PKHD1: variants seen among roughly 807,000 people sequenced by gnomAD.
PKHD1 encodes PKHD1 ciliary IPT domain containing fibrocystin/polyductin, also known as fibrocystin.
PKHD1 carries 291 observed loss-of-function variants against 412.0 expected under a neutral mutation model. The observed-to-expected ratio is 0.71, with a 90% CI of 0.64 to 0.78. PKHD1 has a LOEUF of 0.78. Among genes scored for constraint, PKHD1 ranks in the 30% least tolerant of loss-of-function variants. PKHD1 has a pLI of 0.00. For synonymous variants in PKHD1, 1,777 were observed against 1,821.5 expected, an observed-to-expected ratio of 0.98 and a Z score of 0.62; for missense variants, 4,825 against 4,950.7, an observed-to-expected ratio of 0.97 and a Z score of 0.76.
At chr6:51,708,359 T>C (rs752614027) in intron 60 of PKHD1, among the ~76,000 whole-genome samples, 1 of 152,228 alleles carries the variant, frequency 6.6e-6, no homozygotes. Flanking sequence ...ATCTCCTATG[T>C]CATTATTCTG....
intron 55 of PKHD1, among the ~76,000 whole-genome samples, chr6:51,769,816 T>C (rs1489655656): frequency 6.6e-6 from 1 of 151,636 alleles, no homozygotes; most frequent in African/African-American, 2.4e-5. Context: ...TGTTCTATAA[T>C]ATCTCGTACG....
chr6:51,819,651 C>T (rs9395729), intron 52 of PKHD1, among the ~76,000 whole-genome samples: 53,480 of 152,060 alleles, frequency 0.35, 11,619 homozygotes, highest in East Asian at 0.71. Context: ...TTTTGCTCAT[C>T]ATTTTATCTC....
At chr6:51,698,421 A>C (rs1001945342) in intron 60 of PKHD1, among the ~76,000 whole-genome samples, 1 of 152,220 alleles carries the variant, frequency 6.6e-6, no homozygotes, top group Admixed American at 6.5e-5. Context: ...TCTCATCTAC[A>C]CTTCAACAAT....
chr6:51,944,868 C>A (rs1789209933), intron 36 of PKHD1, among the ~76,000 whole-genome samples: 1 of 152,212 alleles, frequency 6.6e-6, no homozygotes, highest in South Asian at 2.1e-4. Context: ...TTGAGCACTG[C>A]TAGACCATCT....
At chr6:51,624,683 A>T (rs761908964) in intron 66 of PKHD1, among the ~76,000 whole-genome samples, 52 of 152,356 alleles carry the variant, frequency 3.4e-4, no homozygotes, top group Admixed American at 1.3e-3. Flanking sequence ...TAGCACACAT[A>T]GTGTGCCTGA....
intron 60 of PKHD1, among the ~76,000 whole-genome samples, chr6:51,669,268 G>T (rs1185612894): frequency 6.6e-6 from 1 of 152,176 alleles, no homozygotes; most frequent in Non-Finnish European, 1.5e-5. Flanking sequence ...TCCTGGTATA[G>T]TCTTGGGAGA....
In PKHD1 at chr6:51,890,694, TCAC is replaced by T. The variant is rs550724975; in HGVS notation, c.6997-3452_6997-3450del. 9.6e-4 allele frequency among the ~76,000 whole-genome samples: 146 copies of T among 152,272 alleles called. 3 individuals carry two copies. The South Asian group carries it at 0.029, about 31-fold the overall frequency. On this transcript the variant is annotated intron_variant, in intron 43 of 66. Coordinates refer to ENST00000371117, the MANE Select transcript of PKHD1 (RefSeq NM_138694.4). Reference sequence around the variant, plus strand: ...AGAGAATGTAAAATCCTTCTCATTCTCACCACATGGGGAAAAAAGCATGCACAG... The same window carrying T: ...AGAGAATGTAAAATCCTTCTCATTCTCACATGGGGAAAAAAGCATGCACAG...
At chr6:51,789,590 T>A (rs1793416825) in intron 53 of PKHD1, among the ~76,000 whole-genome samples, 1 of 145,268 alleles carries the variant, frequency 6.9e-6, no homozygotes. Flanking sequence ...AGAAAAAAAA[T>A]GACTTTGAGA....
At chr6:51,710,178 C>T (rs1780494253) in intron 60 of PKHD1, among the ~76,000 whole-genome samples, 2 of 151,996 alleles carry the variant, frequency 1.3e-5, no homozygotes. Context: ...CCACTGCACT[C>T]CAGCCTGAGC....
Position 51,615,811 on chromosome 6 carries a change from G to A in PKHD1, c.*3270C>T, listed in dbSNP as rs1766014503. 2 of 152,138 alleles carry A rather than the reference G, an allele frequency of 1.3e-5. No homozygotes were observed. Among genetic ancestry groups the A allele is most frequent in the African/African-American group, 4.8e-5 (2 of 41,402 alleles). 9.4% of individuals were successfully genotyped at this position (152,138 alleles called of 1,614,324 possible). On this transcript the variant is annotated 3_prime_UTR_variant, in exon 67 of 67. Transcript: ENST00000371117. Reference sequence around the variant, plus strand: ...AGCTCAACTGTTCTTGGTCCTTGGTGGCCTCACTGGGCAGTAACAAGGGCA... The same window carrying A: ...AGCTCAACTGTTCTTGGTCCTTGGTAGCCTCACTGGGCAGTAACAAGGGCA...
At chr6:52,048,713 C>A in intron 22 of PKHD1, 94 bp from the exon 23 acceptor site, 6 of 1,475,488 alleles carry the variant, frequency 4.1e-6, no homozygotes, top group Non-Finnish European at 5.6e-6. Context: ...GCTTAGGCTG[C>A]AGCCTTCCAG....
chr6:51,981,550 C>T (rs1367678835), intron 35 of PKHD1, among the ~76,000 whole-genome samples: 2 of 151,058 alleles, frequency 1.3e-5, no homozygotes, highest in African/African-American at 2.4e-5. Flanking sequence ...AGCTCCTAGC[C>T]GCGAGTGATC....
chr6:51,969,224 G>T (rs1300167136), intron 35 of PKHD1, among the ~76,000 whole-genome samples: 1 of 152,124 alleles, frequency 6.6e-6, no homozygotes, highest in Non-Finnish European at 1.5e-5. Context: ...ACAGCCAACA[G>T]CCAGCAAGAA....
intron 52 of PKHD1, among the ~76,000 whole-genome samples, chr6:51,808,181 C>A (rs1468234251): frequency 6.6e-6 from 1 of 151,874 alleles, no homozygotes; most frequent in Non-Finnish European, 1.5e-5. Context: ...TAAAGCAAGG[C>A]ACACATAGTG....
chr6:51,945,434 T>G (rs1789309127), intron 36 of PKHD1, among the ~76,000 whole-genome samples: 1 of 152,192 alleles, frequency 6.6e-6, no homozygotes, highest in Non-Finnish European at 1.5e-5. Flanking sequence ...TGTGGTTTCA[T>G]CCGCAAAGTG....
At chr6:52,038,119 C>T (rs1279036495) in intron 27 of PKHD1, among the ~76,000 whole-genome samples, 4 of 152,172 alleles carry the variant, frequency 2.6e-5, no homozygotes, top group African/African-American at 7.2e-5. Flanking sequence ...CAGTGGCTCA[C>T]GCCTGTAATC....
intron 60 of PKHD1, among the ~76,000 whole-genome samples, chr6:51,667,489 G>T (rs1774033627): frequency 6.7e-6 from 1 of 149,364 alleles, no homozygotes; most frequent in African/African-American, 2.4e-5. Context: ...CTCCCATTTT[G>T]TAGGTTGCCT....
rs113731628 is a variant in PKHD1 at position 52,010,650 on chromosome 6, C to T, written c.5601-191G>A. Among the ~76,000 whole-genome samples, 489 of 152,072 alleles carry T rather than the reference C, an allele frequency of 3.2e-3. 5 individuals are homozygous for T. Among genetic ancestry groups the T allele is most frequent in the African/African-American group, 0.011 (470 of 41,486 alleles). On this transcript the variant is annotated intron_variant, in intron 34 of 66. Transcript: ENST00000371117. ...TTTGTTTTTCCTTTTATCTGCACAC[C>T]CTGCAATGAAAATGCACCATGGTAA...
chr6:51,632,756 A>G, intron 64 of PKHD1, 33 bp from the exon 65 acceptor site: 2 of 1,570,502 alleles, frequency 1.3e-6, no homozygotes, highest in Non-Finnish European at 1.8e-6. Context: ...TTTCAATGAT[A>G]TGTTAATAAG....
Sources: allele counts gnomAD v4.1 joint callset (sites outside exome capture counted in the v4.1 genomes callset), GRCh38; gene constraint gnomAD v4.1.1; transcripts MANE v1.5; gene names NCBI Gene and HGNC (gene_info 2026-07-23, HGNC 2026-07-21).